Variants in JPH2 observed in about 807,000 individuals in gnomAD.
JPH2 encodes the protein junctophilin 2.
A neutral mutation model predicts 55.9 loss-of-function variants in JPH2; 38 were observed. That is an observed-to-expected ratio of 0.68 (90% CI 0.52 to 0.89). The LOEUF is 0.89. Ranked by LOEUF, JPH2 falls within the 40% of genes least tolerant of loss-of-function variation. The pLI, the probability that JPH2 is intolerant of heterozygous loss-of-function variation, is 0.00. For synonymous variants in JPH2, 480 were observed against 472.4 expected, an observed-to-expected ratio of 1.02 and a Z score of -0.21; for missense variants, 964 against 1,037.6, an observed-to-expected ratio of 0.93 and a Z score of 0.97.
intron 1 of JPH2, chr20:44,178,086 C>A: frequency 1.3e-6 from 1 of 767,138 alleles, no homozygotes; most frequent in Non-Finnish European, 2.4e-6. Context: ...CTCTAAGTCT[C>A]AGTTGCTTAA....
At chr20:44,149,562 C>G (rs553165209) in intron 2 of JPH2, among the ~76,000 whole-genome samples, 45 of 152,330 alleles carry the variant, frequency 3.0e-4, no homozygotes, top group African/African-American at 1.0e-3. Context: ...CCCCATTTCC[C>G]TGCTGCTCCA....
intron 2 of JPH2, among the ~76,000 whole-genome samples, chr20:44,122,921 T>G (rs1394866540): frequency 2.6e-5 from 4 of 151,940 alleles, no homozygotes; most frequent in Non-Finnish European, 4.4e-5. Flanking sequence ...GGGAAAGGGC[T>G]GGGCAAGCCT....
At chr20:44,155,254 T>C (rs1208491936) in intron 2 of JPH2, among the ~76,000 whole-genome samples, 1 of 152,092 alleles carries the variant, frequency 6.6e-6, no homozygotes, top group African/African-American at 2.4e-5. Context: ...GTCAGAGTGG[T>C]GAAGCAACTT....
rs993913444 is a variant in JPH2 at position 44,177,679 on chromosome 20, A to T, written c.379+8648T>A. 8 of 1,260,222 alleles carry T rather than the reference A, an allele frequency of 6.3e-6. No homozygotes were observed. In the African/African-American group the frequency reaches 1.2e-4, roughly 19 times the overall value. 78.1% of individuals were successfully genotyped at this position (1,260,222 alleles called of 1,614,324 possible). On this transcript the variant is annotated intron_variant, in intron 1 of 5. Coordinates refer to ENST00000372980, the MANE Select transcript of JPH2 (RefSeq NM_020433.5). ...CTGATTCTACATTCGAAATGGAATC[A>T]TGTCTGGCATGGATTCCATCTACAC...
At chr20:44,161,648 A>G (rs1419368330) in intron 1 of JPH2, among the ~76,000 whole-genome samples, 1 of 151,908 alleles carries the variant, frequency 6.6e-6, no homozygotes, top group East Asian at 2.0e-4. Context: ...AAGCAAAGAT[A>G]TGTGTGTGAT....
Position 44,160,861 on chromosome 20 carries a change from A to G in JPH2, c.380-454T>C, listed in dbSNP as rs984390183. Reference sequence around the variant, plus strand: ...CACTTGGGAAGGTGGAGGCGGATGGATCGCTTGAGCTCAGGAGTTCAAGAC... The same window carrying G: ...CACTTGGGAAGGTGGAGGCGGATGGGTCGCTTGAGCTCAGGAGTTCAAGAC... On this transcript the variant is annotated intron_variant, in intron 1 of 5. Transcript: ENST00000372980. This position sits in a 1 kb window ranked among gnomAD's most constrained non-coding sequence, Gnocchi z 4.9. Among the ~76,000 whole-genome samples the G allele has an allele frequency of 3.9e-5, 6 of 152,128 alleles. No homozygotes were observed. Among genetic ancestry groups the G allele is most frequent in the Non-Finnish European group, 5.9e-5 (4 of 68,020 alleles).
chr20:44,153,899 G>T (rs1213606172), intron 2 of JPH2, among the ~76,000 whole-genome samples: 1 of 152,176 alleles, frequency 6.6e-6, no homozygotes, highest in African/African-American at 2.4e-5. Flanking sequence ...CACTCACTGT[G>T]CTCCTTCCAG....
At chr20:44,152,818 C>T (rs1468408031) in intron 2 of JPH2, among the ~76,000 whole-genome samples, 1 of 152,180 alleles carries the variant, frequency 6.6e-6, no homozygotes, top group Non-Finnish European at 1.5e-5. Context: ...CTCTTTCATA[C>T]CAGTAAATCT....
At chr20:44,130,897 G>T (rs1035982607) in intron 2 of JPH2, among the ~76,000 whole-genome samples, 1 of 152,142 alleles carries the variant, frequency 6.6e-6, no homozygotes, top group African/African-American at 2.4e-5. Flanking sequence ...ACACAATAAA[G>T]ATTCCATTTT....
chr20:44,180,513 T>A (rs1008266680), intron 1 of JPH2, among the ~76,000 whole-genome samples: 2 of 152,098 alleles, frequency 1.3e-5, no homozygotes, highest in African/African-American at 4.8e-5. Context: ...TGTATTTTTC[T>A]TTTTTGTAGA....
At chr20:44,149,962 GGAAAA>G (rs1373794788) in intron 2 of JPH2, among the ~76,000 whole-genome samples, 8 of 116,758 alleles carry the variant, frequency 6.9e-5, no homozygotes, top group Non-Finnish European at 1.3e-4. Flanking sequence ...GGGCGACAGA[GGAAAA>G]AAAAAAAAAA....
At chr20:44,135,223 C>G (rs547911017) in intron 2 of JPH2, among the ~76,000 whole-genome samples, 1 of 152,052 alleles carries the variant, frequency 6.6e-6, no homozygotes, top group Non-Finnish European at 1.5e-5. Flanking sequence ...TAAACCTCTG[C>G]TTAAAACCCC....
At chr20:44,139,022 C>G (rs143352516) in intron 2 of JPH2, among the ~76,000 whole-genome samples, 1 of 152,134 alleles carries the variant, frequency 6.6e-6, no homozygotes, top group East Asian at 1.9e-4. Context: ...CCATGCTGAC[C>G]TCACTGGGCT....
rs762330208 is a variant in JPH2 at position 44,159,782 on chromosome 20, G to A, written c.1005C>T (p.His335=). 10 of 1,613,238 alleles carry A rather than the reference G, an allele frequency of 6.2e-6. No individual in the cohort carries two copies. The South Asian group carries it at 1.1e-4, about 18-fold the overall frequency. ...TGTGGCGGTACTTGCCCTCCTCGCG[G>A]TGGCCGTCGGGCAGCGTGGTGCAGC... The part of the protein sequence containing the change: ...GYGCTTLPDG[H]REEGKYRHNV... Residue 335 remains histidine, a synonymous_variant, in exon 2 of 6, where the codon CAC becomes CAT. Transcript: ENST00000372980. The surrounding 1 kb of genome is among the most constrained non-coding windows in gnomAD (Gnocchi z 5.7).
In JPH2 at chr20:44,122,380, CAG is replaced by C. The variant is rs1474641095; in HGVS notation, c.1170-3759_1170-3758del. ...AATGAGATGACCGAGGCACTCGCCT[CAG>C]GGGCAAAATTTATGGGGTTGCCAAA... On this transcript the variant is annotated intron_variant, in intron 2 of 5. Transcript: ENST00000372980. 2.6e-5 allele frequency among the ~76,000 whole-genome samples: 4 copies of C among 152,214 alleles called. No homozygotes were observed. In the East Asian group the frequency reaches 7.7e-4, roughly 29 times the overall value.
At chr20:44,139,851 G>A (rs1206533649) in intron 2 of JPH2, among the ~76,000 whole-genome samples, 3 of 152,118 alleles carry the variant, frequency 2.0e-5, no homozygotes, top group South Asian at 4.1e-4. Flanking sequence ...TTTTCTAACT[G>A]TTGGGTTTTG....
Position 44,110,179 on chromosome 20 carries a change from G to C in JPH2, c.*3339C>G, listed in dbSNP as rs1306563309. On this transcript the variant is annotated 3_prime_UTR_variant, in exon 6 of 6. Transcript: ENST00000372980. ...CTCCTTTGCACACCATCCAAAGTGA[G>C]TTCAATACAGCCACCCCTGCCCCCA... Among the ~76,000 whole-genome samples, 1 of 151,982 alleles carries C rather than the reference G, an allele frequency of 6.6e-6. No homozygotes were observed. The highest frequency in any genetic ancestry group is 1.5e-5 in the Non-Finnish European group (1 of 67,982).
intron 2 of JPH2, among the ~76,000 whole-genome samples, chr20:44,153,870 G>A (rs1348141042): frequency 1.3e-5 from 2 of 152,212 alleles, no homozygotes; most frequent in Non-Finnish European, 2.9e-5. Flanking sequence ...AAGGGGCTGA[G>A]TCTAAGCCTT....
chr20:44,127,887 T>A (rs184958550), intron 2 of JPH2, among the ~76,000 whole-genome samples: 2 of 152,324 alleles, frequency 1.3e-5, no homozygotes, highest in Admixed American at 6.5e-5. Flanking sequence ...ATGTTGAGCA[T>A]CTATGTGCTT....
Sources: allele counts gnomAD v4.1 joint callset (sites outside exome capture counted in the v4.1 genomes callset), GRCh38; gene constraint gnomAD v4.1.1; non-coding constraint Gnocchi (gnomAD v3.1); transcripts MANE v1.5; gene names NCBI Gene and HGNC (gene_info 2026-07-23, HGNC 2026-07-21).